TSPAN32: variants seen among roughly 807,000 people sequenced by gnomAD.
The protein encoded by TSPAN32 is tetraspanin-32.
TSPAN32 carries 47 observed loss-of-function variants against 42.7 expected under a neutral mutation model. The ratio of observed to expected loss-of-function variants is 1.10; its 90% CI spans 0.87 to 1.40. The LOEUF (loss-of-function observed/expected upper bound fraction) is 1.40, where lower values mean the gene tolerates loss of function less well. Among genes scored for constraint, TSPAN32 ranks in the 40% most tolerant of loss-of-function variants. The probability of loss-of-function intolerance (pLI) is 0.00; values close to 1 mark genes in which losing one functional copy is unlikely to be tolerated. For synonymous variants in TSPAN32, 175 were observed against 175.9 expected (o/e 0.99, Z 0.04); for missense variants, 469 against 424.1 (o/e 1.11, Z -0.93).
chr11:2,317,500 C>A lies in TSPAN32; in HGVS notation c.876C>A (p.Leu292=), dbSNP rs200348092. ...LQESDAAPLP[L]SCHLAAHRAL... is the part of the protein sequence containing the mutation. The stretch of plus-strand genomic sequence containing the variant: ...AGAGCGATGCTGCGCCTCTGCCCCT[C>A]TCCTGCCACCTGGCTGCCCACAGAG... Residue 292 remains leucine (L), a synonymous_variant, in exon 9 of 10, where the codon CTC becomes CTA. Coordinates refer to ENST00000182290, the MANE Select transcript of TSPAN32 (RefSeq NM_139022.3). The surrounding 1 kb of genome is among the most constrained non-coding windows in gnomAD (Gnocchi z 6.2). 1 of 1,588,486 alleles carries A rather than the reference C, an allele frequency of 6.3e-7. No individual in the cohort carries two copies. Among genetic ancestry groups the A allele is most frequent in the Admixed American group, 1.8e-5 (1 of 56,872 alleles).
intron 2 of TSPAN32, 126 bp downstream of exon 2, chr11:2,303,084 A>C: frequency 1.3e-6 from 1 of 784,528 alleles, no homozygotes; most frequent in Non-Finnish European, 2.0e-6. Context: ...AGAGGTGGTC[A>C]GGGGCAGGGA....
chr11:2,316,356 CT>C (rs1193032073), intron 7 of TSPAN32, 44 bp downstream of exon 7: 1 of 1,561,964 alleles, frequency 6.4e-7, no homozygotes, highest in East Asian at 2.4e-5. Context: ...CCTCCTGCCC[CT>C]CAGCCTGCCC....
chr11:2,318,050 C>T lies in TSPAN32; in HGVS notation c.*126C>T. On this transcript the variant is annotated 3_prime_UTR_variant, in exon 10 of 10. Transcript: ENST00000182290. The surrounding 1 kb of genome is among the most constrained non-coding windows in gnomAD (Gnocchi z 4.2). ...AGGACTGAGGTTCCCAAGTCCTTGTCCCTGGTCCTGTGGTCCCTCCACCTT... is the reference window on the plus strand; with the variant it reads ...AGGACTGAGGTTCCCAAGTCCTTGTTCCTGGTCCTGTGGTCCCTCCACCTT... The T allele has an allele frequency of 3.3e-6, 2 of 605,600 alleles. No homozygotes were observed. Among genetic ancestry groups the T allele is most frequent in the South Asian group, 4.0e-5 (2 of 49,612 alleles). The allele number at this position is 605,600 out of a possible 1,614,324, so 37.5% of individuals were successfully genotyped here.
At chr11:2,302,599 T>C (rs113776487) in intron 1 of TSPAN32, 1 of 562,356 alleles carries the variant, frequency 1.8e-6, no homozygotes. Context: ...AGGTCCTGGG[T>C]GTCTGGGGAA....
intron 2 of TSPAN32, chr11:2,303,175 C>T: frequency 1.8e-6 from 1 of 564,418 alleles, no homozygotes; most frequent in Non-Finnish European, 3.2e-6. Flanking sequence ...GGTTCTCGTG[C>T]CCCACAGGAG....
intron 4 of TSPAN32, among the ~76,000 whole-genome samples, chr11:2,310,879 A>AG (rs1306975903): frequency 3.9e-5 from 6 of 152,044 alleles, no homozygotes; most frequent in African/African-American, 1.4e-4. Context: ...CCTGAGCAGG[A>AG]GGGGCGGCTG....
chr11:2,305,768 G>C (rs1255834329), intron 3 of TSPAN32, among the ~76,000 whole-genome samples: 1 of 152,192 alleles, frequency 6.6e-6, no homozygotes, highest in Admixed American at 6.5e-5. Flanking sequence ...CCAACTGGAT[G>C]CCTGCACTGG....
intron 4 of TSPAN32, among the ~76,000 whole-genome samples, chr11:2,311,944 T>C (rs1812136429): frequency 6.6e-6 from 1 of 152,022 alleles, no homozygotes; most frequent in Non-Finnish European, 1.5e-5. Context: ...ACAACCGGCT[T>C]TGGGGTAGGA....
At chr11:2,312,045 G>GA (rs1254038999) in intron 4 of TSPAN32, among the ~76,000 whole-genome samples, 1 of 144,466 alleles carries the variant, frequency 6.9e-6, no homozygotes, top group Non-Finnish European at 1.5e-5. Flanking sequence ...AGGGCAGGCA[G>GA]GGCAGGCAGG....
chr11:2,307,013 G>T, intron 3 of TSPAN32: 1 of 151,338 alleles, frequency 6.6e-6, no homozygotes, highest in South Asian at 2.0e-4. Context: ...AAGAGGGGGA[G>T]GGTGGAGGGA....
In TSPAN32 at chr11:2,302,052, C is replaced by T. The variant is rs760927991; in HGVS notation, c.-98C>T. On this transcript the variant is annotated 5_prime_UTR_variant, in exon 1 of 10. Coordinates refer to ENST00000182290, the MANE Select transcript of TSPAN32 (RefSeq NM_139022.3). ...AGACAGACAGAGGGGCGGATGCAGC[C>T]TACCTCCTGGGCAGTGAGCTGCGGT... is the stretch of plus-strand genomic sequence containing the variant. 1.3e-6 allele frequency: 2 copies of T among 1,498,522 alleles called. No individual in the cohort carries two copies. The highest frequency in any genetic ancestry group is 1.4e-5 in the South Asian group (1 of 72,658). 92.8% of individuals were successfully genotyped at this position (1,498,522 alleles called of 1,614,324 possible). A position where few individuals can be genotyped will look rare whatever the true frequency, so the allele number is the denominator to read the frequency against.
chr11:2,315,549 C>T, intron 6 of TSPAN32: 1 of 1,168,104 alleles, frequency 8.6e-7, no homozygotes. Context: ...AGAGCCAGCA[C>T]AGGCGGCAGG....
Position 2,308,775 on chromosome 11 carries a change from C to G in TSPAN32, c.319C>G (p.Gln107Glu). 6.4e-7 allele frequency: 1 copy of G among 1,573,690 alleles called. No individual in the cohort carries two copies. The highest frequency in any genetic ancestry group is 8.6e-7 in the Non-Finnish European group (1 of 1,159,608). The change falls in exon 4 of 10, where the codon CAG (glutamine) becomes GAG (glutamate). Residue 107 changes from glutamine (Q) to glutamate (E), a missense_variant. Physicochemically the swap from Gln to Glu is conservative, Grantham distance 29. Coordinates refer to ENST00000182290, the MANE Select transcript of TSPAN32 (RefSeq NM_139022.3). ...CFSLAFCAQV[Q>E]VVFWRLHSPT... ...CTCCCTGGCGTTCTGCGCACAGGTG[C>G]AGGTGGTGTTCTGGAGACTCCACAG...
At chr11:2,316,950 A>G (rs1848834347) in intron 8 of TSPAN32, among the ~76,000 whole-genome samples, 1 of 152,010 alleles carries the variant, frequency 6.6e-6, no homozygotes, top group African/African-American at 2.4e-5. Context: ...CCTCCAGGTT[A>G]TAGCCCCAGG....
At chr11:2,315,271 G>A (rs1360319286) in intron 6 of TSPAN32, 2 of 1,195,172 alleles carry the variant, frequency 1.7e-6, no homozygotes, top group South Asian at 3.0e-5. Flanking sequence ...GACCCTCCAA[G>A]AAACAGAGGG....
chr11:2,316,085 T>A, intron 6 of TSPAN32, 144 bp from the exon 7 acceptor site: 2 of 1,530,866 alleles, frequency 1.3e-6, no homozygotes, highest in Non-Finnish European at 1.7e-6. Flanking sequence ...CCCTGGGGGC[T>A]TCCTAGGAAT....
At chr11:2,316,448 G>C (rs1848800928) in intron 7 of TSPAN32, 128 bp from the exon 8 acceptor site, 1 of 1,557,224 alleles carries the variant, frequency 6.4e-7, no homozygotes, top group Admixed American at 1.9e-5. Flanking sequence ...TCAGGGAGCT[G>C]CTCTGGTGTG....
Position 2,317,713 on chromosome 11 carries a change from G to A in TSPAN32, c.902-150G>A, listed in dbSNP as rs1848889297. 6.7e-7 allele frequency: 1 copy of A among 1,499,524 alleles called. No individual in the cohort carries two copies. The highest frequency in any genetic ancestry group is 1.3e-5 in the South Asian group (1 of 79,060). 92.9% of individuals were successfully genotyped at this position (1,499,524 alleles called of 1,614,324 possible). Reference sequence around the variant, plus strand: ...GAGCAAGCACAAAGGAAACCACACTGGAGGCAGCAGCCCAGGGCAGACTGC... The same window carrying A: ...GAGCAAGCACAAAGGAAACCACACTAGAGGCAGCAGCCCAGGGCAGACTGC... On this transcript the variant is annotated intron_variant, in intron 9 of 9. Transcript: ENST00000182290. The surrounding 1 kb of genome is among the most constrained non-coding windows in gnomAD (Gnocchi z 6.2).
Position 2,316,312 on chromosome 11 carries a change from G to T in TSPAN32, c.627G>T (p.Thr209=). The change falls in exon 7 of 10, where the codon ACG becomes ACT. Residue 209 remains threonine (T), a splice_region_variant and synonymous_variant. Transcript: ENST00000182290. ...TGACCAGCATCGGCCTGGCCCTCAC[G>T]GTACCCTCTCGCCTCCCTCACTGCC... ...SSLTSIGLAL[T]VSALLFSSFL... 1 of 1,597,030 alleles carries T rather than the reference G, an allele frequency of 6.3e-7. No individual in the cohort carries two copies. Among genetic ancestry groups the T allele is most frequent in the East Asian group, 2.3e-5 (1 of 44,202 alleles).
Sources: allele counts gnomAD v4.1 joint callset (sites outside exome capture counted in the v4.1 genomes callset), GRCh38; gene constraint gnomAD v4.1.1; non-coding constraint Gnocchi (gnomAD v3.1); transcripts MANE v1.5; gene names NCBI Gene and HGNC (gene_info 2026-07-23, HGNC 2026-07-21).